Variants in HPSE2 observed in about 807,000 individuals in gnomAD.
HPSE2 encodes inactive heparanase-2.
Under a neutral mutation model 60.5 loss-of-function variants are expected in HPSE2, and 38 were observed. That is an observed-to-expected ratio of 0.63 (90% CI 0.48 to 0.82). The LOEUF (loss-of-function observed/expected upper bound fraction) is 0.82, where lower values mean the gene tolerates loss of function less well. Ranked by LOEUF, HPSE2 falls within the 40% of genes least tolerant of loss-of-function variation. The pLI is 0.00. For synonymous variants in HPSE2, 295 were observed against 293.2 expected, an observed-to-expected ratio of 1.01 and a Z score of -0.06; for missense variants, 713 against 740.4, an observed-to-expected ratio of 0.96 and a Z score of 0.43.
chr10:98,521,883 A>G (rs1942805453), intron 9 of HPSE2, among the ~76,000 whole-genome samples: 1 of 152,186 alleles, frequency 6.6e-6, no homozygotes, highest in African/African-American at 2.4e-5. Flanking sequence ...TATCACAAGG[A>G]CAGAAAACCA....
At chr10:99,161,811 C>A (rs980015649) in intron 2 of HPSE2, among the ~76,000 whole-genome samples, 4 of 151,938 alleles carry the variant, frequency 2.6e-5, no homozygotes, top group Admixed American at 6.6e-5. Flanking sequence ...AAGGGATAAA[C>A]AAAATGTGAT....
rs267606866 is a variant in HPSE2 at position 98,482,733 on chromosome 10, G to A, written c.1516C>T (p.Arg506Ter). Residue 506 changes from arginine to a stop codon, truncating the protein, a stop_gained, in exon 11 of 12, where the codon CGA (arginine) becomes TGA (stop). Coordinates refer to ENST00000370552, the MANE Select transcript of HPSE2 (RefSeq NM_021828.5). LOFTEE classifies it high-confidence loss of function. ...GCCAGCTTGATTTTCTTTCTTGATC[G>A]ATGCAAGTTGATGATAAAAAGTGTA... Reference protein sequence around the residue: ...SITLFIINLHRSRKKIKLAGT... With the variant: ...SITLFIINLH 20 of 1,613,974 alleles carry A rather than the reference G, an allele frequency of 1.2e-5. No homozygotes were observed. The highest frequency in any genetic ancestry group is 1.1e-4 in the East Asian group (5 of 44,884).
chr10:99,132,371 A>G (rs896259778), intron 3 of HPSE2, among the ~76,000 whole-genome samples: 3 of 151,990 alleles, frequency 2.0e-5, no homozygotes, highest in Admixed American at 2.0e-4. Context: ...TAAAAAATGA[A>G]CTCTTTGATA....
At chr10:98,716,012 T>C (rs1350179463) in intron 5 of HPSE2, among the ~76,000 whole-genome samples, 1 of 152,078 alleles carries the variant, frequency 6.6e-6, no homozygotes, top group Non-Finnish European at 1.5e-5. Flanking sequence ...CCTGTCAAAC[T>C]CTGCCACTGT....
At chr10:99,135,952 C>T (rs1845632085) in intron 3 of HPSE2, among the ~76,000 whole-genome samples, 1 of 151,962 alleles carries the variant, frequency 6.6e-6, no homozygotes, top group South Asian at 2.1e-4. Flanking sequence ...AATCCAGGAG[C>T]TGTTTTTTGA....
intron 3 of HPSE2, among the ~76,000 whole-genome samples, chr10:99,090,686 T>A (rs1441953790): frequency 6.6e-6 from 1 of 152,152 alleles, no homozygotes; most frequent in Non-Finnish European, 1.5e-5. Flanking sequence ...TTATTTCATC[T>A]GTTATAACAT....
intron 2 of HPSE2, among the ~76,000 whole-genome samples, chr10:99,197,475 T>A (rs1467175816): frequency 1.3e-5 from 2 of 152,056 alleles, no homozygotes; most frequent in African/African-American, 2.4e-5. Flanking sequence ...ATCTCATGTA[T>A]CCCATAATAT....
intron 3 of HPSE2, among the ~76,000 whole-genome samples, chr10:99,059,720 A>G (rs1338048226): frequency 6.6e-6 from 1 of 152,188 alleles, no homozygotes; most frequent in African/African-American, 2.4e-5. Context: ...ACACAAGAGC[A>G]GCACAAAATT....
At chr10:98,820,172 T>C (rs1236016970) in intron 3 of HPSE2, among the ~76,000 whole-genome samples, 5 of 152,186 alleles carry the variant, frequency 3.3e-5, no homozygotes, top group Admixed American at 6.5e-5. Flanking sequence ...TTTCAGATAC[T>C]GAAGACATAT....
intron 5 of HPSE2, among the ~76,000 whole-genome samples, chr10:98,706,593 G>A (rs1040774525): frequency 6.6e-6 from 1 of 152,136 alleles, no homozygotes; most frequent in Non-Finnish European, 1.5e-5. Context: ...GTGTCAGAAG[G>A]AATACAGATT....
At chr10:98,904,378 T>C (rs1953751785) in intron 3 of HPSE2, among the ~76,000 whole-genome samples, 1 of 152,132 alleles carries the variant, frequency 6.6e-6, no homozygotes, top group Non-Finnish European at 1.5e-5. Flanking sequence ...ATAGTAAGCT[T>C]GACAAGAACA....
At chr10:98,948,238 C>T (rs1955247755) in intron 3 of HPSE2, among the ~76,000 whole-genome samples, 1 of 152,066 alleles carries the variant, frequency 6.6e-6, no homozygotes, top group Non-Finnish European at 1.5e-5. Context: ...TTGTGCATGA[C>T]TTCACAGGAT....
intron 7 of HPSE2, among the ~76,000 whole-genome samples, chr10:98,638,988 GC>G (rs1589550496): frequency 6.6e-6 from 1 of 152,162 alleles, no homozygotes; most frequent in African/African-American, 2.4e-5. Flanking sequence ...GGTCTTACAT[GC>G]TTTTCCAGAA....
At chr10:99,006,257 C>T (rs141242180) in intron 3 of HPSE2, among the ~76,000 whole-genome samples, 189 of 152,124 alleles carry the variant, frequency 1.2e-3, no homozygotes, top group Middle Eastern at 6.8e-3. Context: ...ATAAGGTGGT[C>T]CTAGAGTCTT....
At chr10:98,984,843 T>C (rs980175895) in intron 3 of HPSE2, among the ~76,000 whole-genome samples, 1 of 152,200 alleles carries the variant, frequency 6.6e-6, no homozygotes, top group Non-Finnish European at 1.5e-5. Flanking sequence ...ACGTGACGAA[T>C]GCACAAGCGT....
At chr10:98,755,149 C>A (rs183860932) in intron 3 of HPSE2, among the ~76,000 whole-genome samples, 1 of 151,974 alleles carries the variant, frequency 6.6e-6, no homozygotes, top group African/African-American at 2.4e-5. Flanking sequence ...TGCAATGATT[C>A]ATAAGCTCAA....
At chr10:99,073,464 G>A (rs574165534) in intron 3 of HPSE2, among the ~76,000 whole-genome samples, 140 of 152,142 alleles carry the variant, frequency 9.2e-4, no homozygotes, top group Non-Finnish European at 1.1e-3. Context: ...AACATACACT[G>A]GGGCCTGTTG....
rs3043546 is a variant in HPSE2, at chr10:98,879,852, C to CGTGTGTGTGTGTGTGT, written c.611-135812_611-135797dup. 1.6e-4 allele frequency among the ~76,000 whole-genome samples: 23 copies of CGTGTGTGTGTGTGTGT among 145,784 alleles called. No homozygotes were observed. The South Asian group carries it at 4.0e-3, about 25-fold the overall frequency. On this transcript the variant is annotated intron_variant, in intron 3 of 11. Coordinates refer to ENST00000370552, the MANE Select transcript of HPSE2 (RefSeq NM_021828.5). ...GGAAACAACAGTTGGTGTGCATGTGCGTGTGTGTGTGTGTGTGTGTGTGTG... is the reference window on the plus strand; with the variant it reads ...GGAAACAACAGTTGGTGTGCATGTGCGTGTGTGTGTGTGTGTGTGTGTGTGTGTGTGTGTGTGTGTG...
intron 10 of HPSE2, among the ~76,000 whole-genome samples, chr10:98,487,392 A>G (rs374383967): frequency 1.6e-3 from 237 of 152,332 alleles, no homozygotes; most frequent in African/African-American, 5.3e-3. Context: ...GTATCCACAT[A>G]GGGGTTGCAT....
Sources: gnomAD v4.1 joint callset for allele counts (sites outside exome capture counted in the v4.1 genomes callset) on GRCh38, gnomAD v4.1.1 for gene constraint, MANE v1.5 for transcripts, NCBI Gene and HGNC (gene_info 2026-07-23, HGNC 2026-07-21) for gene names.